IGF2BP1: variants seen among roughly 807,000 people sequenced by gnomAD.
The protein encoded by IGF2BP1 is insulin-like growth factor 2 mRNA-binding protein 1.
IGF2BP1 carries 11 observed loss-of-function variants against 74.9 expected under a neutral mutation model. The ratio of observed to expected loss-of-function variants is 0.15; its 90% CI spans 0.09 to 0.24. The LOEUF (loss-of-function observed/expected upper bound fraction) is 0.24. Ranked by LOEUF, IGF2BP1 falls within the 10% of genes least tolerant of loss-of-function variation. The probability of loss-of-function intolerance (pLI) is 1.00; values close to 1 mark genes in which losing one functional copy is unlikely to be tolerated. For missense variants in IGF2BP1, 440 were observed against 757.4 expected (o/e 0.58, Z 4.92); for synonymous variants, 287 against 281.8 (o/e 1.02, Z -0.18).
chr17:49,043,363 G>C, intron 9 of IGF2BP1, 65 bp from the exon 10 acceptor site: 3 of 1,591,560 alleles, frequency 1.9e-6, no homozygotes, highest in Non-Finnish European at 2.6e-6. Flanking sequence ...CTTTTATACA[G>C]CGGGGGTCAC....
At chr17:49,046,134 G>GATT in intron 13 of IGF2BP1, 113 bp downstream of exon 13, 1 of 1,471,636 alleles carries the variant, frequency 6.8e-7, no homozygotes, top group Non-Finnish European at 9.4e-7. Flanking sequence ...TCATTTACTT[G>GATT]ATTCTACTCC....
intron 8 of IGF2BP1, 116 bp downstream of exon 8, chr17:49,041,616 C>T: frequency 7.3e-7 from 1 of 1,377,186 alleles, no homozygotes; most frequent in Non-Finnish European, 1.0e-6. Flanking sequence ...CCTTCTGCCT[C>T]TTGAAGAAAA....
At chr17:49,029,812 T>TA (rs1401097536) in intron 4 of IGF2BP1, among the ~76,000 whole-genome samples, 21 of 150,412 alleles carry the variant, frequency 1.4e-4, no homozygotes, top group African/African-American at 5.1e-4. Context: ...TTTTTTTTTT[T>TA]AATTTTTTGT....
At chr17:49,034,600 G>A (rs1387845696) in intron 5 of IGF2BP1, among the ~76,000 whole-genome samples, 4 of 151,642 alleles carry the variant, frequency 2.6e-5, no homozygotes, top group Non-Finnish European at 2.9e-5. Context: ...TATTAGCTGG[G>A]CATGGTGGCA....
chr17:48,998,931 C>T (rs987219419), intron 1 of IGF2BP1, among the ~76,000 whole-genome samples, 178 bp from the exon 2 acceptor site: 11 of 152,120 alleles, frequency 7.2e-5, no homozygotes, highest in Non-Finnish European at 1.5e-4. Flanking sequence ...AATTTACAGA[C>T]TCCACCATTC....
chr17:49,020,092 C>T (rs1007232775), intron 2 of IGF2BP1, among the ~76,000 whole-genome samples: 30 of 150,808 alleles, frequency 2.0e-4, no homozygotes, highest in South Asian at 8.4e-4. Flanking sequence ...CATGCTATGT[C>T]ACCCAGGCTG....
In IGF2BP1 at chr17:48,997,592, C is replaced by T; in HGVS notation, c.-154C>T. The T allele has an allele frequency of 3.8e-6, 3 of 796,092 alleles. No homozygotes were observed. In the South Asian group the frequency reaches 5.4e-5, roughly 14 times the overall value. The allele number at this position is 796,092 out of a possible 1,614,324, so 49.3% of individuals were successfully genotyped here. ...TCTGCGCGCCCTCAGGCCGCCTTCC[C>T]CGCCCTGGGCTCGGGACAACTTCTG... On this transcript the variant is annotated 5_prime_UTR_variant, in exon 1 of 15. Coordinates refer to ENST00000290341, the MANE Select transcript of IGF2BP1 (RefSeq NM_006546.4). This position sits in a 1 kb window ranked among gnomAD's most constrained non-coding sequence, Gnocchi z 4.8.
intron 5 of IGF2BP1, among the ~76,000 whole-genome samples, chr17:49,034,756 C>CCA (rs2041966730): frequency 7.3e-6 from 1 of 136,142 alleles, no homozygotes; most frequent in Admixed American, 7.2e-5. Context: ...ACAAAAAAAA[C>CCA]AAAAAAAACA....
intron 2 of IGF2BP1, among the ~76,000 whole-genome samples, chr17:49,016,419 G>A (rs1024336865): frequency 2.7e-5 from 4 of 148,584 alleles, no homozygotes; most frequent in African/African-American, 1.0e-4. Flanking sequence ...GCGTGCGCAC[G>A]TGTGTGTGTG....
chr17:49,018,826 T>G (rs2041740618), intron 2 of IGF2BP1, among the ~76,000 whole-genome samples: 1 of 152,122 alleles, frequency 6.6e-6, no homozygotes, highest in East Asian at 1.9e-4. Flanking sequence ...TGTGAGAAAC[T>G]GAGGTCCAGA....
At chr17:49,048,465 C>T (rs772574805) in intron 14 of IGF2BP1, among the ~76,000 whole-genome samples, 1 of 152,034 alleles carries the variant, frequency 6.6e-6, no homozygotes, top group Non-Finnish European at 1.5e-5. Flanking sequence ...GTTGGCCAGT[C>T]TGCTCTCGAA....
At chr17:49,037,149 CAT>C in intron 5 of IGF2BP1, 1 of 439,702 alleles carries the variant, frequency 2.3e-6, no homozygotes, top group South Asian at 2.1e-5. Flanking sequence ...GCATCTCAGA[CAT>C]GTTGAAAAAG....
chr17:49,020,971 A>T (rs1481723987), intron 2 of IGF2BP1, among the ~76,000 whole-genome samples: 10 of 19,472 alleles, frequency 5.1e-4, no homozygotes, highest in African/African-American at 7.6e-4. Context: ...TCTACAAATT[A>T]AAAAAAAAAA....
chr17:49,031,887 G>A (rs1309557313), intron 4 of IGF2BP1, 23 bp from the exon 5 acceptor site: 1 of 1,610,752 alleles, frequency 6.2e-7, no homozygotes, highest in African/African-American at 1.3e-5. Flanking sequence ...CTGCTCTGAG[G>A]TTATCCTCTC....
Position 49,044,873 on chromosome 17 carries a change from C to T in IGF2BP1, c.1321-118C>T. 4 of 826,156 alleles carry T rather than the reference C, an allele frequency of 4.8e-6. No individual in the cohort carries two copies. The South Asian group carries it at 6.1e-5, about 13-fold the overall frequency. 51.2% of individuals were successfully genotyped at this position (826,156 alleles called of 1,614,324 possible). ...CTTCAGGGTCTTTGTTCTTCCTCCC[C>T]TAAGTCTTCAGAATGGGTAGTTGGG... On this transcript the variant is annotated intron_variant, in intron 11 of 14. Transcript: ENST00000290341.
intron 2 of IGF2BP1, among the ~76,000 whole-genome samples, chr17:49,016,818 CCCCCCCGCCTGT>C (rs1388578603): frequency 7.4e-6 from 1 of 135,950 alleles, no homozygotes. Flanking sequence ...TGTCCTCCTG[CCCCCCCGCCTGT>C]CCTCCCGCCT....
At chr17:49,048,152 G>A (rs1454855497) in intron 14 of IGF2BP1, among the ~76,000 whole-genome samples, 1 of 152,178 alleles carries the variant, frequency 6.6e-6, no homozygotes, top group East Asian at 1.9e-4. Flanking sequence ...AACCTTTTAA[G>A]AAGGAAATAA....
chr17:49,043,838 C>A, intron 10 of IGF2BP1, 129 bp from the exon 11 acceptor site: 1 of 1,327,050 alleles, frequency 7.5e-7, no homozygotes, highest in Non-Finnish European at 1.0e-6. Flanking sequence ...TCACAGCATC[C>A]CTTGGCAGCC....
intron 3 of IGF2BP1, among the ~76,000 whole-genome samples, 191 bp downstream of exon 3, chr17:49,025,857 C>CTTTTTTTTTTTTTTTTTTTTTTT (rs797001122): frequency 1.1e-5 from 1 of 94,616 alleles, no homozygotes; most frequent in African/African-American, 3.3e-5. Context: ...TCTTTTCTTT[C>CTTTTTTTTTTTTTTTTTTTTTTT]TTTTTTTTTT....
Sources: allele counts gnomAD v4.1 joint callset (sites outside exome capture counted in the v4.1 genomes callset), GRCh38; gene constraint gnomAD v4.1.1; non-coding constraint Gnocchi (gnomAD v3.1); transcripts MANE v1.5; gene names NCBI Gene and HGNC (gene_info 2026-07-23, HGNC 2026-07-21).